HDDC2: variants seen among roughly 807,000 people sequenced by gnomAD.
The protein encoded by HDDC2 is HD domain containing 2.
Under a neutral mutation model 25.5 loss-of-function variants are expected in HDDC2, and 25 were observed. The ratio of observed to expected loss-of-function variants is 0.98; its 90% CI spans 0.72 to 1.37. HDDC2 has a LOEUF of 1.37. Among genes scored for constraint, HDDC2 ranks in the 40% most tolerant of loss-of-function variants. HDDC2 has a pLI of 0.00. For synonymous variants in HDDC2, 106 were observed against 89.7 expected (o/e 1.18, Z -1.03); for missense variants, 264 against 253.1 (o/e 1.04, Z -0.29).
intron 3 of HDDC2, 74 bp from the exon 4 acceptor site, chr6:125,292,983 T>C (rs1583054172): frequency 3.5e-6 from 4 of 1,155,602 alleles, no homozygotes; most frequent in African/African-American, 3.0e-5. Flanking sequence ...AACAGACAAA[T>C]AGGTTCGGAT....
chr6:125,281,453 A>C (rs1798456034), intron 4 of HDDC2, among the ~76,000 whole-genome samples: 1 of 152,194 alleles, frequency 6.6e-6, no homozygotes, highest in Non-Finnish European at 1.5e-5. Flanking sequence ...GGAAGCTAAG[A>C]ATCTTGATAA....
At chr6:125,300,166 A>G (rs1458657878) in intron 2 of HDDC2, 1 of 168,060 alleles carries the variant, frequency 6.0e-6, no homozygotes, top group Admixed American at 6.0e-5. Context: ...TCTTGCACAC[A>G]CAACTCCAAA....
intron 3 of HDDC2, among the ~76,000 whole-genome samples, chr6:125,296,661 T>G (rs1798709576): frequency 6.6e-6 from 1 of 152,200 alleles, no homozygotes; most frequent in South Asian, 2.1e-4. Context: ...GTTTCCCCAT[T>G]GCCTTCTGCT....
Position 125,301,870 on chromosome 6 carries a change from C to T in HDDC2, c.63G>A (p.Leu21=), listed in dbSNP as rs1242616052. The change falls in exon 1 of 6, where the codon CTG becomes CTA. Residue 21 remains leucine, a synonymous_variant. Coordinates refer to ENST00000398153, the MANE Select transcript of HDDC2 (RefSeq NM_016063.3). ...TCACCTTGAGCTGCCCTACCAGCCG[C>T]AGGAACTGCAGTAGGGACCGAGCCC... is the stretch of plus-strand genomic sequence containing the variant. ...GHGARSLLQF[L]RLVGQLKRVP... 1.3e-6 allele frequency: 2 copies of T among 1,548,550 alleles called. No homozygotes were observed. Among genetic ancestry groups the T allele is most frequent in the Admixed American group, 2.0e-5 (1 of 51,242 alleles).
intron 4 of HDDC2, among the ~76,000 whole-genome samples, chr6:125,286,327 T>C (rs879383530): frequency 2.0e-5 from 3 of 152,218 alleles, no homozygotes; most frequent in Non-Finnish European, 4.4e-5. Flanking sequence ...ATAGTCCAAC[T>C]ATTCAAAAAA....
chr6:125,296,357 T>G (rs1240174702), intron 3 of HDDC2, among the ~76,000 whole-genome samples: 1 of 152,076 alleles, frequency 6.6e-6, no homozygotes, highest in Non-Finnish European at 1.5e-5. Flanking sequence ...GTATTTTTTC[T>G]CCCTCCTACT....
At chr6:125,298,615 C>T (rs1029760192) in intron 3 of HDDC2, 99 bp downstream of exon 3, 15 of 822,660 alleles carry the variant, frequency 1.8e-5, no homozygotes, top group African/African-American at 6.7e-5. Flanking sequence ...ACTATCAAGG[C>T]GGTATTCTCC....
chr6:125,296,785 A>G (rs185189158), intron 3 of HDDC2, among the ~76,000 whole-genome samples: 19 of 152,334 alleles, frequency 1.2e-4, no homozygotes, highest in African/African-American at 4.6e-4. Context: ...AGGCAGCAGT[A>G]TCCTCTCTGA....
At chr6:125,280,618 G>A (rs1490770173) in intron 4 of HDDC2, among the ~76,000 whole-genome samples, 1 of 152,214 alleles carries the variant, frequency 6.6e-6, no homozygotes. Context: ...CAACTGGGCG[G>A]AGCCCACCAC....
chr6:125,300,326 G>A (rs1467430647), intron 2 of HDDC2: 1 of 543,132 alleles, frequency 1.8e-6, no homozygotes, highest in African/African-American at 1.9e-5. Context: ...CCCTAGGCAG[G>A]CTCTATCACT....
At chr6:125,293,445 G>A (rs73772429) in intron 3 of HDDC2, among the ~76,000 whole-genome samples, 2,918 of 152,254 alleles carry the variant, frequency 0.019, 87 homozygotes, top group African/African-American at 0.067. Context: ...GAAGTTACAT[G>A]ATAGAATTTT....
chr6:125,298,379 T>C (rs1798737575), intron 3 of HDDC2, among the ~76,000 whole-genome samples: 1 of 152,246 alleles, frequency 6.6e-6, no homozygotes, highest in Non-Finnish European at 1.5e-5. Context: ...TTCTGGAAGA[T>C]AAGGCTGTAA....
At chr6:125,298,625 C>A in intron 3 of HDDC2, 89 bp downstream of exon 3, 1 of 911,912 alleles carries the variant, frequency 1.1e-6, no homozygotes. Context: ...CGGTATTCTC[C>A]CTAACTGTAA....
At position 125,289,371 on chromosome 6, in the gene HDDC2, A is replaced by G. The variant is rs1583052650; in HGVS notation, c.378+3470T>C. On this transcript the variant is annotated intron_variant, in intron 4 of 5. Transcript: ENST00000398153. Reference sequence around the variant, plus strand: ...GGGGAGGGATAGCATTGGGAGATATACCTAATGCTAGATGACACATTAGTG... The same window carrying G: ...GGGGAGGGATAGCATTGGGAGATATGCCTAATGCTAGATGACACATTAGTG... Among the ~76,000 whole-genome samples, 3 of 130,348 alleles carry G rather than the reference A, an allele frequency of 2.3e-5. No individual in the cohort carries two copies. In the East Asian group the frequency reaches 6.7e-4, roughly 29 times the overall value. The allele number at this position is 130,348 out of a possible 152,430, so 85.5% of individuals were successfully genotyped here.
At chr6:125,276,807 A>G (rs1798376834) in intron 5 of HDDC2, 1 of 374,330 alleles carries the variant, frequency 2.7e-6, no homozygotes, top group Non-Finnish European at 4.9e-6. Flanking sequence ...GCTCTAAGCT[A>G]TTGTATGTCC....
intron 3 of HDDC2, 180 bp downstream of exon 3, chr6:125,298,534 T>C: frequency 1.7e-6 from 1 of 603,996 alleles, no homozygotes; most frequent in Non-Finnish European, 2.9e-6. Flanking sequence ...CATCTTAATA[T>C]TCTCCAGCCC....
rs1798436610 is a variant in HDDC2 at position 125,280,177 on chromosome 6, G to A, written c.379-2937C>T. Among the ~76,000 whole-genome samples the A allele has an allele frequency of 2.0e-5, 3 of 152,172 alleles. No individual in the cohort carries two copies. The South Asian group carries it at 6.2e-4, about 32-fold the overall frequency. ...CCCCTAGCCAATGGAACTCATGAGG[G>A]ACTGTGCTGTGAGGAAGGGTGCATT... On this transcript the variant is annotated intron_variant, in intron 4 of 5. Coordinates refer to ENST00000398153, the MANE Select transcript of HDDC2 (RefSeq NM_016063.3).
Position 125,301,861 on chromosome 6 carries a change from T to C in HDDC2, c.72A>G (p.Val24=). ...ARSLLQFLRL[V]GQLKRVPRTG... ...GGTGCCCGCTCACCTTGAGCTGCCCTACCAGCCGCAGGAACTGCAGTAGGG... is the reference window on the plus strand; with the variant it reads ...GGTGCCCGCTCACCTTGAGCTGCCCCACCAGCCGCAGGAACTGCAGTAGGG... Residue 24 remains valine (V), a synonymous_variant, in exon 1 of 6, where the codon GTA becomes GTG. Transcript: ENST00000398153. 1 of 1,545,744 alleles carries C rather than the reference T, an allele frequency of 6.5e-7. No homozygotes were observed. The highest frequency in any genetic ancestry group is 8.7e-7 in the Non-Finnish European group (1 of 1,147,268).
chr6:125,277,346 A>T (rs1798385501), intron 4 of HDDC2, 106 bp from the exon 5 acceptor site: 3 of 1,041,362 alleles, frequency 2.9e-6, no homozygotes. Flanking sequence ...CTACAAGTAC[A>T]TTCTGTATCG....
Sources: allele counts gnomAD v4.1 joint callset (sites outside exome capture counted in the v4.1 genomes callset), GRCh38; gene constraint gnomAD v4.1.1; transcripts MANE v1.5; gene names NCBI Gene and HGNC (gene_info 2026-07-23, HGNC 2026-07-21).